The following TENM3 variants were observed in gnomAD, a reference collection of about 807,000 sequenced individuals.
TENM3 encodes the protein teneurin transmembrane protein 3.
A neutral mutation model predicts 255.1 loss-of-function variants in TENM3; 63 were observed. The ratio of observed to expected loss-of-function variants is 0.25; its 90% CI spans 0.20 to 0.30. The LOEUF is 0.30. TENM3 is among the 10% of genes least tolerant of loss of function. TENM3 has a pLI of 1.00. For synonymous variants in TENM3, 1,306 were observed against 1,322.3 expected (o/e 0.99, Z 0.27); for missense variants, 2,929 against 3,461.1 (o/e 0.85, Z 3.86).
intron 4 of TENM3, among the ~76,000 whole-genome samples, chr4:182,614,381 A>G (rs1749283562): frequency 1.3e-5 from 2 of 152,116 alleles, no homozygotes; most frequent in Admixed American, 6.5e-5. Flanking sequence ...ATACATAGAC[A>G]TTTACTTATC....
chr4:181,824,886 T>C, the TENM3 span, among the ~76,000 whole-genome samples: 1 of 152,142 alleles, frequency 6.6e-6, no homozygotes, highest in African/African-American at 2.4e-5. Flanking sequence ...GGCCACCAGG[T>C]TACAATGCGT....
chr4:182,784,346 G>C (rs1765439396), intron 24 of TENM3, among the ~76,000 whole-genome samples: 1 of 152,006 alleles, frequency 6.6e-6, no homozygotes, highest in Non-Finnish European at 1.5e-5. Context: ...GCTGGGGGGT[G>C]CCTCCCAGTT....
At chr4:182,209,323 CT>C (rs371420483) in intron 1 of TENM3, among the ~76,000 whole-genome samples, 255 of 151,910 alleles carry the variant, frequency 1.7e-3, no homozygotes, top group African/African-American at 5.8e-3. Flanking sequence ...CTGCCATGCT[CT>C]ACCTCCCATC....
chr4:182,214,537 T>C (rs922809080), intron 1 of TENM3, among the ~76,000 whole-genome samples: 2 of 151,686 alleles, frequency 1.3e-5, no homozygotes, highest in African/African-American at 4.8e-5. Context: ...TTTATTTATT[T>C]ATTTATTTTT....
intron 3 of TENM3, among the ~76,000 whole-genome samples, chr4:182,387,359 T>C (rs1580375845): frequency 6.6e-6 from 1 of 152,126 alleles, no homozygotes; most frequent in East Asian, 1.9e-4. Context: ...ACTCTGTATC[T>C]AACTAATCGG....
intron 3 of TENM3, among the ~76,000 whole-genome samples, chr4:182,477,020 C>T (rs533703195): frequency 6.6e-6 from 1 of 152,286 alleles, no homozygotes; most frequent in Admixed American, 6.5e-5. Context: ...GAAGATGAGG[C>T]AGAACTATTT....
At chr4:182,625,824 C>T (rs59412720) in intron 4 of TENM3, among the ~76,000 whole-genome samples, 9,687 of 152,202 alleles carry the variant, frequency 0.064, 409 homozygotes, top group East Asian at 0.14. Flanking sequence ...GCTGTTTCTA[C>T]GGGCTGCTGA....
At chr4:181,773,989 C>A in the TENM3 span, among the ~76,000 whole-genome samples, 1 of 145,030 alleles carries the variant, frequency 6.9e-6, no homozygotes, top group East Asian at 2.1e-4. Flanking sequence ...TATCAGAGGA[C>A]CTCTGGTGGC....
the TENM3 span, among the ~76,000 whole-genome samples, chr4:181,621,648 G>A: frequency 6.6e-6 from 1 of 152,080 alleles, no homozygotes; most frequent in African/African-American, 2.4e-5. Context: ...AATATATTCT[G>A]TATGTTGCCT....
the TENM3 span, among the ~76,000 whole-genome samples, chr4:181,849,949 T>TCTCTCTCTCTCTCTCTCA: frequency 0.02 from 1,289 of 65,886 alleles, 44 homozygotes; most frequent in East Asian, 0.11. Flanking sequence ...TCTCTCTCTC[T>TCTCTCTCTCTCTCTCTCA]CACACACACA....
At chr4:181,932,793 A>G in the TENM3 span, among the ~76,000 whole-genome samples, 2 of 152,250 alleles carry the variant, frequency 1.3e-5, no homozygotes, top group African/African-American at 4.8e-5. Flanking sequence ...GACTGGATAA[A>G]GAAAATGTGG....
chr4:182,636,587 C>G (rs763242974), intron 5 of TENM3, among the ~76,000 whole-genome samples: 63 of 151,844 alleles, frequency 4.1e-4, no homozygotes, highest in Admixed American at 1.6e-3. Context: ...CATGGTGGCA[C>G]GCACCTGTAG....
chr4:182,245,938 G>T (rs1453348723), intron 1 of TENM3, among the ~76,000 whole-genome samples: 1 of 152,208 alleles, frequency 6.6e-6, no homozygotes, highest in African/African-American at 2.4e-5. Context: ...TGATACCGAT[G>T]TAACATTTTA....
the TENM3 span, among the ~76,000 whole-genome samples, chr4:181,493,242 G>A: frequency 6.7e-6 from 1 of 148,740 alleles, no homozygotes; most frequent in Admixed American, 6.8e-5. Context: ...GTTACAGTGA[G>A]CTAGGATCAT....
At chr4:182,777,955 A>G (rs989575304) in intron 24 of TENM3, among the ~76,000 whole-genome samples, 1 of 152,026 alleles carries the variant, frequency 6.6e-6, no homozygotes, top group African/African-American at 2.4e-5. Context: ...TTTCTGTGAA[A>G]CAGTACATTA....
At chr4:181,993,017 A>C in the TENM3 span, among the ~76,000 whole-genome samples, 1 of 152,136 alleles carries the variant, frequency 6.6e-6, no homozygotes, top group Non-Finnish European at 1.5e-5. Flanking sequence ...ATTAATAGCA[A>C]TTAAAATTAT....
chr4:181,551,355 A>T, the TENM3 span, among the ~76,000 whole-genome samples: 1 of 152,184 alleles, frequency 6.6e-6, no homozygotes, highest in African/African-American at 2.4e-5. Context: ...GCACAATTTG[A>T]GGCAGATACA....
At chr4:181,916,206 G>T in the TENM3 span, among the ~76,000 whole-genome samples, 1 of 151,988 alleles carries the variant, frequency 6.6e-6, no homozygotes, top group African/African-American at 2.4e-5. Flanking sequence ...TTCTCAGGAA[G>T]AATTTACCCT....
chr4:182,442,687 G>T (rs1017952492), intron 3 of TENM3, among the ~76,000 whole-genome samples: 1 of 151,916 alleles, frequency 6.6e-6, no homozygotes, highest in African/African-American at 2.4e-5. Context: ...CACCTCCGAG[G>T]CTCAAGTGAT....
Sources: allele counts gnomAD v4.1 joint callset (sites outside exome capture counted in the v4.1 genomes callset), GRCh38; gene constraint gnomAD v4.1.1; transcripts MANE v1.5; gene names NCBI Gene and HGNC (gene_info 2026-07-23, HGNC 2026-07-21).